The following LLGL1 variants were observed in gnomAD, a reference collection of about 807,000 sequenced individuals.
The protein encoded by LLGL1 is lethal(2) giant larvae protein homolog 1.
A neutral mutation model predicts 110.6 loss-of-function variants in LLGL1; 58 were observed. The observed-to-expected ratio is 0.52, with a 90% CI of 0.42 to 0.65. The LOEUF is 0.65. LLGL1 is among the 30% of genes least tolerant of loss of function. The probability of loss-of-function intolerance (pLI) is 0.00; values close to 1 mark genes in which losing one functional copy is unlikely to be tolerated. For missense variants in LLGL1, 1,229 were observed against 1,462.1 expected, an observed-to-expected ratio of 0.84 and a Z score of 2.60; for synonymous variants, 674 against 607.2, an observed-to-expected ratio of 1.11 and a Z score of -1.62.
chr17:18,241,660 C>G lies in LLGL1; in HGVS notation c.2712C>G (p.Ile904Met), dbSNP rs1445509696. ...GLRPQVHYSC[I>M]RKEDISGIAS... ...GGCCCCAGGTGCACTATTCCTGCAT[C>G]CGGAAGGAGGACATCAGCGGCATCG... The change falls in exon 18 of 23, where the codon ATC (isoleucine) becomes ATG (methionine). Residue 904 changes from isoleucine to methionine, a missense_variant. Coordinates refer to ENST00000316843, the MANE Select transcript of LLGL1 (RefSeq NM_004140.4). 1 of 1,613,628 alleles carries G rather than the reference C, an allele frequency of 6.2e-7. No individual in the cohort carries two copies. Among genetic ancestry groups the G allele is most frequent in the Non-Finnish European group, 8.5e-7 (1 of 1,180,040 alleles).
chr17:18,238,432 T>C, intron 15 of LLGL1, 24 bp from the exon 16 acceptor site: 1 of 1,595,048 alleles, frequency 6.3e-7, no homozygotes. Flanking sequence ...AGGGAGACAG[T>C]GTTCAGGAGC....
At chr17:18,229,892 C>A in intron 1 of LLGL1, 49 bp from the exon 2 acceptor site, 1 of 1,384,332 alleles carries the variant, frequency 7.2e-7, no homozygotes, top group Non-Finnish European at 1.0e-6. Flanking sequence ...TGGGCCATGG[C>A]AGAGGTGCCT....
chr17:18,227,054 C>T (rs980606267), intron 1 of LLGL1, among the ~76,000 whole-genome samples: 5 of 152,204 alleles, frequency 3.3e-5, no homozygotes, highest in Admixed American at 1.3e-4. Flanking sequence ...CAAGGGGCTG[C>T]TGTGGTCCTG....
chr17:18,227,286 G>C (rs552519347), intron 1 of LLGL1, among the ~76,000 whole-genome samples: 2 of 152,196 alleles, frequency 1.3e-5, no homozygotes, highest in African/African-American at 2.4e-5. Flanking sequence ...CTGGTGCTCC[G>C]TGGTCCCCAG....
At chr17:18,231,335 C>T (rs1327003977) in intron 2 of LLGL1, among the ~76,000 whole-genome samples, 1 of 152,222 alleles carries the variant, frequency 6.6e-6, no homozygotes, top group African/African-American at 2.4e-5. Context: ...CTCCTGTCCC[C>T]TCTTTTGTCC....
chr17:18,235,446 T>C, intron 10 of LLGL1, 24 bp from the exon 11 acceptor site: 1 of 1,613,794 alleles, frequency 6.2e-7, no homozygotes, highest in Non-Finnish European at 8.5e-7. Context: ...ACCTTGTGCA[T>C]ACATCTCTGC....
At chr17:18,236,247 C>G (rs1291550622) in intron 11 of LLGL1, 1 of 235,350 alleles carries the variant, frequency 4.2e-6, no homozygotes, top group Non-Finnish European at 8.3e-6. Context: ...ATGCTCTGTT[C>G]TGTGACTGCC....
chr17:18,243,697 C>T (rs913683798), intron 22 of LLGL1, among the ~76,000 whole-genome samples: 1 of 152,212 alleles, frequency 6.6e-6, no homozygotes, highest in East Asian at 1.9e-4. Context: ...TGTCTGGTGC[C>T]TCTCCCTGGC....
chr17:18,238,400 G>T, intron 15 of LLGL1, 56 bp from the exon 16 acceptor site: 1 of 1,577,196 alleles, frequency 6.3e-7, no homozygotes. Context: ...GCGCAAAGCA[G>T]GATGCAAGCC....
chr17:18,242,646 G>T lies in LLGL1; in HGVS notation c.3116+18G>T, dbSNP rs778957624. Reference sequence around the variant, plus strand: ...TTCCTGGGGTGAGGCTGGTGGGCAGGTCCACAGGGGGGGCTGCCCTGTCCC... The same window carrying T: ...TTCCTGGGGTGAGGCTGGTGGGCAGTTCCACAGGGGGGGCTGCCCTGTCCC... On this transcript the variant is annotated intron_variant, in intron 21 of 22. Coordinates refer to ENST00000316843, the MANE Select transcript of LLGL1 (RefSeq NM_004140.4). 5.6e-6 allele frequency: 9 copies of T among 1,595,582 alleles called. No homozygotes were observed. The South Asian group carries it at 1.0e-4, about 18-fold the overall frequency.
At chr17:18,235,783 T>G in intron 11 of LLGL1, 1 of 526,626 alleles carries the variant, frequency 1.9e-6, no homozygotes, top group Non-Finnish European at 3.4e-6. Flanking sequence ...CCGCCCAGCC[T>G]GCCTGCCCTG....
intron 11 of LLGL1, 192 bp from the exon 12 acceptor site, chr17:18,236,415 T>G (rs2047694849): frequency 1.0e-5 from 6 of 589,400 alleles, no homozygotes; most frequent in Admixed American, 3.1e-5. Context: ...GCATGTGGCC[T>G]GGCCTATAAC....
rs748223416 is a variant in LLGL1 at position 18,234,338 on chromosome 17, C to G, written c.780C>G (p.Ser260Arg). The G allele has an allele frequency of 6.2e-7, 1 of 1,612,684 alleles. No individual in the cohort carries two copies. The highest frequency in any genetic ancestry group is 1.3e-5 in the African/African-American group (1 of 75,056). ...TGGTCAGCTCACACAGCGATGGCAG[C>G]TATGCTGTCTGGTCTGTGGATGCCG... ...STVVSSHSDG[S>R]YAVWSVDAGS... Residue 260 changes from serine (S) to arginine (R), a missense_variant, in exon 7 of 23, where the codon AGC (serine) becomes AGG (arginine). Ser to Arg is a moderately radical substitution (Grantham distance 110). Transcript: ENST00000316843.
intron 15 of LLGL1, 109 bp from the exon 16 acceptor site, chr17:18,238,347 G>A: frequency 6.4e-7 from 1 of 1,569,128 alleles, no homozygotes; most frequent in Non-Finnish European, 8.6e-7. Flanking sequence ...AGAGGGATGG[G>A]TGAACTAAGC....
Position 18,232,689 on chromosome 17 carries a change from G to A in LLGL1, c.279G>A (p.Leu93=). 1 of 1,614,182 alleles carries A rather than the reference G, an allele frequency of 6.2e-7. No homozygotes were observed. Among genetic ancestry groups the A allele is most frequent in the Non-Finnish European group, 8.5e-7 (1 of 1,180,030 alleles). The change falls in exon 4 of 23, where the codon CTG becomes CTA. Residue 93 remains leucine, a synonymous_variant. Coordinates refer to ENST00000316843, the MANE Select transcript of LLGL1 (RefSeq NM_004140.4). ...CACACCAGGGCCGCCTCCTGTCCCT[G>A]CTTGATGACAGCAGTCTGCATCTCT... ...FLTGQGRLLS[L]LDDSSLHLWE...
intron 13 of LLGL1, 60 bp downstream of exon 13, chr17:18,236,999 CT>C: frequency 7.3e-7 from 1 of 1,379,040 alleles, no homozygotes; most frequent in Non-Finnish European, 1.0e-6. Flanking sequence ...AAGAGATGAG[CT>C]GGAGGGTCTG....
At position 18,232,729 on chromosome 17, in the gene LLGL1, C is replaced by T. The variant is rs558854973; in HGVS notation, c.319C>T (p.His107Tyr). The change falls in exon 4 of 23, where the codon CAT (histidine) becomes TAT (tyrosine). Residue 107 changes from histidine (H) to tyrosine (Y), a missense_variant. Physicochemically the swap from His to Tyr is moderately conservative, Grantham distance 83 (BLOSUM62 2). Coordinates refer to ENST00000316843, the MANE Select transcript of LLGL1 (RefSeq NM_004140.4). ...TCTGCATCTCTGGGAGATTGTCCAC[C>T]ATAATGGCTGTGCCCACCTGGAAGA... Reference protein sequence around the residue: ...SSLHLWEIVHHNGCAHLEEAL... With the variant: ...SSLHLWEIVHYNGCAHLEEAL... 8 of 1,614,148 alleles carry T rather than the reference C, an allele frequency of 5.0e-6. No individual in the cohort carries two copies. The East Asian group carries it at 8.9e-5, about 18-fold the overall frequency.
At chr17:18,241,095 C>T in intron 17 of LLGL1, 1 of 594,142 alleles carries the variant, frequency 1.7e-6, no homozygotes. Flanking sequence ...GGGCAGGAAT[C>T]TAGTCCTATC....
intron 1 of LLGL1, among the ~76,000 whole-genome samples, chr17:18,228,231 A>G (rs983575621): frequency 1.3e-5 from 2 of 152,188 alleles, no homozygotes; most frequent in African/African-American, 4.8e-5. Flanking sequence ...CGAGGGGGTG[A>G]GAGGTGTGGC....
Sources: allele counts gnomAD v4.1 joint callset (sites outside exome capture counted in the v4.1 genomes callset), GRCh38; gene constraint gnomAD v4.1.1; transcripts MANE v1.5; gene names NCBI Gene and HGNC (gene_info 2026-07-23, HGNC 2026-07-21).